The following NDST4 variants were observed in gnomAD, a reference collection of about 807,000 sequenced individuals.
NDST4 encodes the protein N-heparan sulfate sulfotransferase 4.
NDST4 carries 63 observed loss-of-function variants against 100.8 expected under a neutral mutation model. The ratio of observed to expected loss-of-function variants is 0.62; its 90% CI spans 0.51 to 0.77. The LOEUF (loss-of-function observed/expected upper bound fraction) is 0.77. Ranked by LOEUF, NDST4 falls within the 30% of genes least tolerant of loss-of-function variation. The probability of loss-of-function intolerance (pLI) is 0.00; values close to 1 mark genes in which losing one functional copy is unlikely to be tolerated. For missense variants in NDST4, 943 were observed against 1,018.4 expected (o/e 0.93, Z 1.01); for synonymous variants, 377 against 361.8 (o/e 1.04, Z -0.48).
chr4:114,847,886 ATG>A, intron 9 of NDST4, among the ~76,000 whole-genome samples: 1 of 152,332 alleles, frequency 6.6e-6, no homozygotes, highest in South Asian at 2.1e-4. Flanking sequence ...AAGACAAATT[ATG>A]TGTTGAGAAA....
intron 6 of NDST4, among the ~76,000 whole-genome samples, chr4:114,890,588 G>A (rs1176249226): frequency 6.6e-6 from 1 of 151,994 alleles, no homozygotes; most frequent in Non-Finnish European, 1.5e-5. Flanking sequence ...TCTTAGTATA[G>A]GAAGCAGTGC....
At chr4:114,902,332 G>T (rs1724862035) in intron 6 of NDST4, among the ~76,000 whole-genome samples, 1 of 151,830 alleles carries the variant, frequency 6.6e-6, no homozygotes, top group Non-Finnish European at 1.5e-5. Flanking sequence ...CTTCTTCATA[G>T]TTAAAGGATA....
chr4:114,845,858 T>C lies in NDST4; in HGVS notation c.2080A>G (p.Ile694Val), dbSNP rs1316010917. ...GAGTATGCCCTGTCTGAGGGGTCAA[T>C]GAGGATGGTGATGATCTTGGCTTTG... Reference protein sequence around the residue: ...VPKAKIITILIDPSDRAYSWY... With the variant: ...VPKAKIITILVDPSDRAYSWY... Residue 694 changes from isoleucine (I) to valine (V), a missense_variant, in exon 10 of 14, where the codon ATT becomes GTT. Ile to Val is a conservative substitution (Grantham distance 29). Transcript: ENST00000264363. 1.5e-5 allele frequency: 24 copies of C among 1,613,898 alleles called. No homozygotes were observed. The Admixed American group carries it at 1.7e-4, about 11-fold the overall frequency.
intron 2 of NDST4, among the ~76,000 whole-genome samples, chr4:114,985,649 A>G (rs1726884241): frequency 6.6e-6 from 1 of 152,216 alleles, no homozygotes; most frequent in South Asian, 2.1e-4. Context: ...GATGGAACCT[A>G]CATTCTTTTT....
At position 114,847,416 on chromosome 4, in the gene NDST4, A is replaced by AAT. The variant is rs1391736224; in HGVS notation, c.1940+798_1940+799insAT. ...AAAAAAAAAAAAAAAAAAAAAAAAAAGTGTCTTTCATTGCAAACAGGTTCA... is the reference window on the plus strand; with the variant it reads ...AAAAAAAAAAAAAAAAAAAAAAAAAAATGTGTCTTTCATTGCAAACAGGTTCA... On this transcript the variant is annotated intron_variant, in intron 9 of 13. Transcript: ENST00000264363. Among the ~76,000 whole-genome samples, 74 of 103,638 alleles carry AAT rather than the reference A, an allele frequency of 7.1e-4. 5 individuals are homozygous for AAT. Among genetic ancestry groups the AAT allele is most frequent in the East Asian group, 1.9e-3 (7 of 3,662 alleles). The allele number at this position is 103,638 out of a possible 152,430, so 68.0% of individuals were successfully genotyped here. A position where few individuals can be genotyped will look rare whatever the true frequency, so the allele number is the denominator to read the frequency against.
intron 1 of NDST4, among the ~76,000 whole-genome samples, chr4:115,083,992 A>G (rs1729359435): frequency 1.3e-5 from 2 of 152,186 alleles, no homozygotes; most frequent in Admixed American, 6.6e-5. Flanking sequence ...TGTTGAAGCA[A>G]CATTGGAACT....
At chr4:114,957,252 C>T (rs1396403913) in intron 4 of NDST4, among the ~76,000 whole-genome samples, 1 of 152,176 alleles carries the variant, frequency 6.6e-6, no homozygotes, top group Non-Finnish European at 1.5e-5. Flanking sequence ...TTAATAGACT[C>T]ACAGTTCCAC....
At position 114,839,437 on chromosome 4, in the gene NDST4, C is replaced by T. The variant is rs748133130; in HGVS notation, c.2227G>A (p.Val743Ile). The T allele has an allele frequency of 6.2e-7, 1 of 1,613,906 alleles. No homozygotes were observed. Among genetic ancestry groups the T allele is most frequent in the Admixed American group, 1.7e-5 (1 of 60,026 alleles). The change falls in exon 11 of 14, where the codon GTA becomes ATA. Residue 743 changes from valine to isoleucine, a missense_variant. Val to Ile is a conservative substitution (Grantham distance 29). Transcript: ENST00000264363. ...DLKTLQRRCL[V>I]PGWYAVHIER... is the part of the protein sequence containing the mutation. ...ATGTGGACTGCATACCATCCAGGTA[C>T]TAGGCATCTTCTCTGCAAAGTTTTT...
intron 2 of NDST4, among the ~76,000 whole-genome samples, chr4:115,002,810 G>A (rs145124854): frequency 0.02 from 3,112 of 152,066 alleles, 113 homozygotes; most frequent in African/African-American, 0.072. Context: ...TTACAATAGC[G>A]AAGACTTGGA....
intron 1 of NDST4, among the ~76,000 whole-genome samples, chr4:115,112,726 T>C (rs1346907411): frequency 1.3e-5 from 2 of 151,952 alleles, no homozygotes; most frequent in Non-Finnish European, 2.9e-5. Context: ...CATATTCCAA[T>C]AACATTTCTT....
At chr4:114,986,139 T>A (rs1726895888) in intron 2 of NDST4, among the ~76,000 whole-genome samples, 2 of 152,080 alleles carry the variant, frequency 1.3e-5, no homozygotes, top group Admixed American at 1.3e-4. Flanking sequence ...AAGAAAAAAA[T>A]TAAAAATTGG....
intron 2 of NDST4, among the ~76,000 whole-genome samples, chr4:114,992,839 C>T (rs180706603): frequency 2.0e-4 from 31 of 151,886 alleles, no homozygotes; most frequent in Non-Finnish European, 4.0e-4. Flanking sequence ...TCTCTGATCC[C>T]AAATCTGTTC....
chr4:114,864,741 C>T (rs1308373585), intron 7 of NDST4, among the ~76,000 whole-genome samples: 1 of 152,142 alleles, frequency 6.6e-6, no homozygotes, highest in Non-Finnish European at 1.5e-5. Flanking sequence ...CACTACAGAA[C>T]TCCTGTAGCA....
chr4:114,866,178 G>C (rs184820279), intron 7 of NDST4, among the ~76,000 whole-genome samples: 1 of 152,110 alleles, frequency 6.6e-6, no homozygotes, highest in African/African-American at 2.4e-5. Flanking sequence ...TCACTCTTTC[G>C]TTATTCTCAG....
chr4:114,984,394 A>T (rs1252445657), intron 2 of NDST4, among the ~76,000 whole-genome samples: 1 of 139,186 alleles, frequency 7.2e-6, no homozygotes, highest in African/African-American at 2.9e-5. Flanking sequence ...GGCCAGGCTG[A>T]TCTCGAACTC....
At chr4:114,916,893 T>G (rs1725185920) in intron 6 of NDST4, among the ~76,000 whole-genome samples, 1 of 149,980 alleles carries the variant, frequency 6.7e-6, no homozygotes, top group Non-Finnish European at 1.5e-5. Context: ...ACCCTTAATT[T>G]TTTTTATTTC....
Position 114,837,179 on chromosome 4 carries a change from T to C in NDST4, c.2286+2199A>G, listed in dbSNP as rs1013626332. On this transcript the variant is annotated intron_variant, in intron 11 of 13. Transcript: ENST00000264363. The stretch of plus-strand genomic sequence containing the variant: ...CTTTGCTGGAGAGGAGTTGCAATCA[T>C]TTGGAGGAGAAGAGGCATTCTGGTT... 3.7e-4 allele frequency among the ~76,000 whole-genome samples: 57 copies of C among 152,102 alleles called. 1 individual carries two copies. Among genetic ancestry groups the C allele is most frequent in the Admixed American group, 3.3e-3 (51 of 15,246 alleles).
chr4:115,080,460 G>T lies in NDST4; in HGVS notation c.-246-3178C>A, dbSNP rs566057150. Among the ~76,000 whole-genome samples, 197 of 152,158 alleles carry T rather than the reference G, an allele frequency of 1.3e-3. 1 individual carries two copies. Among genetic ancestry groups the T allele is most frequent in the Admixed American group, 2.6e-3 (40 of 15,254 alleles). On this transcript the variant is annotated intron_variant, in intron 1 of 13. Coordinates refer to ENST00000264363, the MANE Select transcript of NDST4 (RefSeq NM_022569.3). ...CCAAATGAAATTCTTTAATGTAATT[G>T]TCTGCTTTGCAAAAGTCTTTGTTTC...
At position 114,984,307 on chromosome 4, in the gene NDST4, T is replaced by G. The variant is rs2126248074; in HGVS notation, c.979-7033A>C. 2.0e-5 allele frequency among the ~76,000 whole-genome samples: 3 copies of G among 151,994 alleles called. 1 individual carries two copies. The South Asian group carries it at 6.2e-4, about 32-fold the overall frequency. On this transcript the variant is annotated intron_variant, in intron 2 of 13. Transcript: ENST00000264363. ...GATTCTCCTGCCTCAGCCTCCTGAG[T>G]AGATGGGACTACAGGCACCCACCAC...
Sources: allele counts gnomAD v4.1 joint callset (sites outside exome capture counted in the v4.1 genomes callset), GRCh38; gene constraint gnomAD v4.1.1; transcripts MANE v1.5; gene names NCBI Gene and HGNC (gene_info 2026-07-23, HGNC 2026-07-21).